TMEM117: variants seen among roughly 807,000 people sequenced by gnomAD.
The protein encoded by TMEM117 is transmembrane protein 117.
In TMEM117, 27 loss-of-function variants were observed where a neutral mutation model predicts 52.4. The observed-to-expected ratio is 0.51, with a 90% CI of 0.38 to 0.71. The LOEUF (loss-of-function observed/expected upper bound fraction) is 0.71, where lower values mean the gene tolerates loss of function less well. Ranked by LOEUF, TMEM117 falls within the 30% of genes least tolerant of loss-of-function variation. TMEM117 has a pLI of 0.00. For synonymous variants in TMEM117, 215 were observed against 206.3 expected, an observed-to-expected ratio of 1.04 and a Z score of -0.36; for missense variants, 556 against 630.5, an observed-to-expected ratio of 0.88 and a Z score of 1.26.
At chr12:44,318,611 G>A (rs1463323806) in intron 6 of TMEM117, among the ~76,000 whole-genome samples, 2 of 152,160 alleles carry the variant, frequency 1.3e-5, no homozygotes, top group African/African-American at 4.8e-5. Flanking sequence ...GGGTGGCTCA[G>A]GCTGGTAATC....
At chr12:44,181,188 T>C (rs1949192685) in intron 4 of TMEM117, among the ~76,000 whole-genome samples, 1 of 149,832 alleles carries the variant, frequency 6.7e-6, no homozygotes, top group Non-Finnish European at 1.5e-5. Flanking sequence ...TTGCCCACTT[T>C]TTGATGGGGT....
chr12:43,847,198 G>A (rs142681413), intron 2 of TMEM117, among the ~76,000 whole-genome samples: 1 of 152,246 alleles, frequency 6.6e-6, no homozygotes, highest in Non-Finnish European at 1.5e-5. Context: ...ATAGATGAAA[G>A]ATAGCATCTC....
intron 6 of TMEM117, among the ~76,000 whole-genome samples, chr12:44,344,759 A>G (rs1178146189): frequency 1.3e-5 from 2 of 152,036 alleles, no homozygotes; most frequent in Non-Finnish European, 2.9e-5. Flanking sequence ...AGTCAGTATC[A>G]TTGTCCAGTC....
At chr12:44,204,151 A>G (rs1233145785) in intron 4 of TMEM117, among the ~76,000 whole-genome samples, 1 of 152,196 alleles carries the variant, frequency 6.6e-6, no homozygotes, top group Non-Finnish European at 1.5e-5. Context: ...CTCTCTTCTC[A>G]GACAATATGA....
At chr12:44,084,790 G>A (rs548772887) in intron 3 of TMEM117, among the ~76,000 whole-genome samples, 4 of 152,174 alleles carry the variant, frequency 2.6e-5, no homozygotes, top group East Asian at 3.9e-4. Flanking sequence ...ATACTCTTAC[G>A]TTGTTGCTTC....
upstream of TMEM117, among the ~76,000 whole-genome samples, chr12:43,835,480 ATG>A (rs142143920): frequency 4.4e-4 from 66 of 150,012 alleles, no homozygotes; most frequent in African/African-American, 1.0e-3. Flanking sequence ...ATGTGTGCAT[ATG>A]TGTGTGTGTG....
intron 3 of TMEM117, among the ~76,000 whole-genome samples, chr12:44,002,455 G>A (rs965752500): frequency 2.0e-5 from 3 of 152,220 alleles, no homozygotes; most frequent in Non-Finnish European, 2.9e-5. Context: ...GTTCCTTTTT[G>A]TCATCCAAAG....
the TMEM117 span, chr12:43,797,599 T>C: frequency 6.9e-7 from 1 of 1,452,140 alleles, no homozygotes; most frequent in Admixed American, 2.3e-5. Context: ...AAATGAATTT[T>C]AGAAATCAGA....
At chr12:44,370,586 C>T (rs1450226217) in intron 6 of TMEM117, among the ~76,000 whole-genome samples, 1 of 147,608 alleles carries the variant, frequency 6.8e-6, no homozygotes, top group Non-Finnish European at 1.5e-5. Flanking sequence ...AGTGCAATCT[C>T]GGCTGACTGC....
chr12:44,015,100 A>G (rs1043103413), intron 3 of TMEM117, among the ~76,000 whole-genome samples: 4 of 152,148 alleles, frequency 2.6e-5, no homozygotes, highest in African/African-American at 9.7e-5. Context: ...TGATGTAGTT[A>G]CCATAGGAAA....
chr12:44,065,158 G>A (rs1303211265), intron 3 of TMEM117, among the ~76,000 whole-genome samples: 10 of 152,130 alleles, frequency 6.6e-5, no homozygotes, highest in Non-Finnish European at 1.3e-4. Flanking sequence ...GCTGAGGCGG[G>A]CAGATCACTT....
chr12:44,048,983 T>C (rs564017679), intron 3 of TMEM117, among the ~76,000 whole-genome samples: 127 of 152,314 alleles, frequency 8.3e-4, no homozygotes, highest in African/African-American at 2.9e-3. Context: ...TATTAGGAAA[T>C]ATGTCTGAAA....
chr12:44,233,396 T>C (rs1824992439), intron 5 of TMEM117, among the ~76,000 whole-genome samples: 1 of 151,328 alleles, frequency 6.6e-6, no homozygotes, highest in Non-Finnish European at 1.5e-5. Context: ...ATTTATTTTC[T>C]TGTTTTCTTT....
intron 2 of TMEM117, among the ~76,000 whole-genome samples, chr12:43,874,329 C>T (rs1027319919): frequency 2.0e-5 from 3 of 151,900 alleles, no homozygotes; most frequent in Non-Finnish European, 4.4e-5. Flanking sequence ...GCCTGTTAGC[C>T]CAGCACTTTG....
At chr12:43,805,936 G>A in the TMEM117 span, 1 of 1,527,718 alleles carries the variant, frequency 6.5e-7, no homozygotes, top group Non-Finnish European at 8.8e-7. Context: ...ACGGTGGAAG[G>A]CACGCCCCCT....
chr12:44,333,594 C>A (rs903892809), intron 6 of TMEM117, among the ~76,000 whole-genome samples: 10 of 151,968 alleles, frequency 6.6e-5, no homozygotes, highest in Non-Finnish European at 8.8e-5. Context: ...CTCCTTCCTG[C>A]CACCATGTGA....
intron 2 of TMEM117, among the ~76,000 whole-genome samples, chr12:43,929,691 C>CTGTT: frequency 6.6e-6 from 1 of 152,164 alleles, no homozygotes; most frequent in East Asian, 1.9e-4. Context: ...CACACAATCA[C>CTGTT]TGTTTATTTG....
intron 4 of TMEM117, among the ~76,000 whole-genome samples, chr12:44,147,836 G>A (rs1488002673): frequency 1.3e-5 from 2 of 151,780 alleles, no homozygotes; most frequent in African/African-American, 4.8e-5. Context: ...GGAGGCTGAG[G>A]CAGCAGAATG....
chr12:44,037,625 T>G (rs1946730702), intron 3 of TMEM117, among the ~76,000 whole-genome samples: 1 of 152,040 alleles, frequency 6.6e-6, no homozygotes, highest in Admixed American at 6.5e-5. Context: ...ATATGATGCT[T>G]TTTCTGGGCC....
Sources: gnomAD v4.1 joint callset for allele counts (sites outside exome capture counted in the v4.1 genomes callset) on GRCh38, gnomAD v4.1.1 for gene constraint, MANE v1.5 for transcripts, NCBI Gene and HGNC (gene_info 2026-07-23, HGNC 2026-07-21) for gene names.